MPHOSPH10: variants seen among roughly 807,000 people sequenced by gnomAD.
MPHOSPH10 encodes M-phase phosphoprotein 10, also known as U3 small nucleolar ribonucleoprotein MPP10.
A neutral mutation model predicts 77.3 loss-of-function variants in MPHOSPH10; 33 were observed. The ratio of observed to expected loss-of-function variants is 0.43; its 90% CI spans 0.32 to 0.57. MPHOSPH10 has a LOEUF of 0.57. Ranked by LOEUF, MPHOSPH10 falls within the 20% of genes least tolerant of loss-of-function variation. The pLI is 0.07. For missense variants in MPHOSPH10, 708 were observed against 780.1 expected (o/e 0.91, Z 1.10); for synonymous variants, 245 against 268.0 (o/e 0.91, Z 0.84).
chr2:71,141,721 TTTTC>T (rs2103673836), intron 7 of MPHOSPH10, among the ~76,000 whole-genome samples: 2 of 152,270 alleles, frequency 1.3e-5, no homozygotes, highest in Admixed American at 1.3e-4. Flanking sequence ...TAGGTCTGTT[TTTTC>T]TTTCACTTAA....
Position 71,141,378 on chromosome 2 carries a change from G to A in MPHOSPH10, c.1446+9G>A. 6.7e-7 allele frequency: 1 copy of A among 1,502,568 alleles called. No homozygotes were observed. Among genetic ancestry groups the A allele is most frequent in the East Asian group, 2.5e-5 (1 of 39,980 alleles). 93.1% of individuals were successfully genotyped at this position (1,502,568 alleles called of 1,614,324 possible). The stretch of plus-strand genomic sequence containing the variant: ...ACATCAAACTCAACCAGGTGAGGAA[G>A]CCTGTAAGGCCAAGCCATTATTATT... On this transcript the variant is annotated intron_variant, in intron 7 of 10. Coordinates refer to ENST00000244230, the MANE Select transcript of MPHOSPH10 (RefSeq NM_005791.3).
intron 4 of MPHOSPH10, among the ~76,000 whole-genome samples, chr2:71,137,529 C>T (rs958761752): frequency 4.6e-5 from 7 of 151,850 alleles, no homozygotes; most frequent in African/African-American, 1.5e-4. Flanking sequence ...CGTGGTTGCA[C>T]GCGCCTGTGG....
At chr2:71,146,475 A>G (rs1173141688) in intron 8 of MPHOSPH10, among the ~76,000 whole-genome samples, 2 of 151,730 alleles carry the variant, frequency 1.3e-5, no homozygotes, top group Non-Finnish European at 2.9e-5. Flanking sequence ...AGCTGGGACT[A>G]CAGGCATGCA....
chr2:71,131,379 G>A lies in MPHOSPH10; in HGVS notation c.89+625G>A, dbSNP rs192710855. Among the ~76,000 whole-genome samples, 10 of 152,224 alleles carry A rather than the reference G, an allele frequency of 6.6e-5. No individual in the cohort carries two copies. The East Asian group carries it at 1.9e-3, about 29-fold the overall frequency. On this transcript the variant is annotated intron_variant, in intron 1 of 10. Coordinates refer to ENST00000244230, the MANE Select transcript of MPHOSPH10 (RefSeq NM_005791.3). Reference sequence around the variant, plus strand: ...ACTTTTAACGATTTTTAAAATTTTGGTACTGTCAAGCATCTCAAATTCACT... The same window carrying A: ...ACTTTTAACGATTTTTAAAATTTTGATACTGTCAAGCATCTCAAATTCACT...
At chr2:71,132,211 T>TTCC (rs1208313529) in intron 1 of MPHOSPH10, among the ~76,000 whole-genome samples, 3 of 152,186 alleles carry the variant, frequency 2.0e-5, no homozygotes, top group African/African-American at 7.2e-5. Context: ...TCACTGTACT[T>TTCC]TCCTCCTCCT....
chr2:71,143,673 T>C (rs1673654659), intron 7 of MPHOSPH10, among the ~76,000 whole-genome samples: 2 of 152,210 alleles, frequency 1.3e-5, no homozygotes, highest in African/African-American at 2.4e-5. Flanking sequence ...TCTCTGTGGA[T>C]TGGCCTATTT....
intron 10 of MPHOSPH10, 100 bp downstream of exon 10, chr2:71,149,553 C>A: frequency 1.8e-6 from 2 of 1,115,056 alleles, no homozygotes; most frequent in Non-Finnish European, 2.6e-6. Context: ...TGACAGCCCA[C>A]CTGCGGGATA....
intron 6 of MPHOSPH10, 22 bp downstream of exon 6, chr2:71,139,884 C>T (rs1409281056): frequency 6.6e-7 from 1 of 1,510,458 alleles, no homozygotes; most frequent in Non-Finnish European, 9.1e-7. Context: ...TTAAATTTAA[C>T]TTAATCAAAA....
chr2:71,134,263 A>G (rs1303069521), intron 3 of MPHOSPH10, among the ~76,000 whole-genome samples, 158 bp downstream of exon 3: 2 of 152,244 alleles, frequency 1.3e-5, no homozygotes, highest in Non-Finnish European at 2.9e-5. Flanking sequence ...GTAAAGGGAC[A>G]TTAGAGATCA....
At chr2:71,131,607 A>G (rs9941624) in intron 1 of MPHOSPH10, among the ~76,000 whole-genome samples, 51,815 of 152,030 alleles carry the variant, frequency 0.34, 9,138 homozygotes, top group Admixed American at 0.41. Flanking sequence ...AAGAGAGTCA[A>G]CTAATGGTGA....
At position 71,148,083 on chromosome 2, in the gene MPHOSPH10, C is replaced by A. The variant is rs200064442; in HGVS notation, c.1642C>A (p.Leu548Ile). Residue 548 changes from leucine to isoleucine, a missense_variant, in exon 9 of 11, where the codon CTC (leucine) becomes ATC (isoleucine). Leu to Ile is a conservative substitution (Grantham distance 5). Transcript: ENST00000244230. ...CCCAGTGAGTGTTAGTGATGCAGCT[C>A]TCCTGGCCCCAGAGGAGATCAAGGT... ...VAPVSVSDAALLAPEEIKEKN... is the reference protein window; with the variant it reads ...VAPVSVSDAAILAPEEIKEKN... 4.0e-5 allele frequency: 65 copies of A among 1,613,910 alleles called. No individual in the cohort carries two copies. Among genetic ancestry groups the A allele is most frequent in the Non-Finnish European group, 5.4e-5 (64 of 1,179,898 alleles).
In MPHOSPH10 at chr2:71,149,881, A is replaced by G. The variant is rs762076177; in HGVS notation, c.1912A>G (p.Lys638Glu). 1 of 1,551,080 alleles carries G rather than the reference A, an allele frequency of 6.4e-7. No individual in the cohort carries two copies. The highest frequency in any genetic ancestry group is 8.6e-7 in the Non-Finnish European group (1 of 1,158,740). ...ASFIKDEGKD[K>E]ALKSSQAFFS... Reference sequence around the variant, plus strand: ...TTAATTGCAGGATGAAGGTAAAGACAAGGCCTTAAAGTCCTCTCAAGCATT... The same window carrying G: ...TTAATTGCAGGATGAAGGTAAAGACGAGGCCTTAAAGTCCTCTCAAGCATT... The change falls in exon 11 of 11, where the codon AAG (lysine) becomes GAG (glutamate). Residue 638 changes from lysine (K) to glutamate (E), a missense_variant. Lys to Glu is a moderately conservative substitution (Grantham distance 56, BLOSUM62 1). This residue lies in a region of MPHOSPH10 where 263 missense variants were observed against 320.0 expected (regional missense o/e 0.82). Coordinates refer to ENST00000244230, the MANE Select transcript of MPHOSPH10 (RefSeq NM_005791.3).
chr2:71,131,578 C>G (rs920063119), intron 1 of MPHOSPH10, among the ~76,000 whole-genome samples: 1 of 152,154 alleles, frequency 6.6e-6, no homozygotes, highest in Non-Finnish European at 1.5e-5. Flanking sequence ...CACTTGGGTG[C>G]AAGTGGGCTG....
chr2:71,149,501 A>G (rs752543219), intron 10 of MPHOSPH10, 48 bp downstream of exon 10: 10 of 1,530,508 alleles, frequency 6.5e-6, no homozygotes, highest in Non-Finnish European at 4.5e-6. Context: ...TTGTGGGGGA[A>G]GTGGATAGCA....
At chr2:71,135,084 T>C (rs148683520) in intron 4 of MPHOSPH10, among the ~76,000 whole-genome samples, 16 of 152,322 alleles carry the variant, frequency 1.1e-4, no homozygotes, top group Admixed American at 3.3e-4. Flanking sequence ...GAGGATCACT[T>C]GAGCCTAGGA....
chr2:71,149,571 A>C (rs537667159), intron 10 of MPHOSPH10, 118 bp downstream of exon 10: 206 of 965,660 alleles, frequency 2.1e-4, no homozygotes, highest in Non-Finnish European at 2.9e-4. Flanking sequence ...ATAGAGATGC[A>C]TGATGCTGAC....
intron 7 of MPHOSPH10, among the ~76,000 whole-genome samples, chr2:71,142,026 C>T (rs1339434334): frequency 6.9e-6 from 1 of 144,770 alleles, no homozygotes; most frequent in Non-Finnish European, 1.5e-5. Flanking sequence ...AGTGAGACTC[C>T]ATCTCAAAAA....
In MPHOSPH10 at chr2:71,133,047, T is replaced by A; in HGVS notation, c.239T>A (p.Leu80Gln). Reference protein sequence around the residue: ...NFDDEQIWQQLELQNEPILQY... With the variant: ...NFDDEQIWQQQELQNEPILQY... ...GATGATGAGCAGATTTGGCAACAAC[T>A]GGAATTGCAAAATGAACCAATTTTA... The change falls in exon 2 of 11, where the codon CTG (leucine) becomes CAG (glutamine). Residue 80 changes from leucine to glutamine, a missense_variant. Leu to Gln is a moderately radical substitution (Grantham distance 113). Coordinates refer to ENST00000244230, the MANE Select transcript of MPHOSPH10 (RefSeq NM_005791.3). The A allele has an allele frequency of 6.2e-7, 1 of 1,614,182 alleles. No individual in the cohort carries two copies. Among genetic ancestry groups the A allele is most frequent in the Non-Finnish European group, 8.5e-7 (1 of 1,180,020 alleles).
At chr2:71,147,627 A>G (rs1354650942) in intron 8 of MPHOSPH10, among the ~76,000 whole-genome samples, 1 of 152,006 alleles carries the variant, frequency 6.6e-6, no homozygotes, top group East Asian at 1.9e-4. Flanking sequence ...GAGCCGAGAT[A>G]GCGCCAGTGC....
Sources: gnomAD v4.1 joint callset for allele counts (sites outside exome capture counted in the v4.1 genomes callset) on GRCh38, gnomAD v4.1.1 for gene constraint, gnomAD v4.1.1 regional missense constraint, MANE v1.5 for transcripts, NCBI Gene and HGNC (gene_info 2026-07-23, HGNC 2026-07-21) for gene names.